TJP3: variants seen among roughly 807,000 people sequenced by gnomAD.
The protein encoded by TJP3 is tight junction protein ZO-3.
Under a neutral mutation model 104.2 loss-of-function variants are expected in TJP3, and 85 were observed. The observed-to-expected ratio is 0.82, with a 90% CI of 0.68 to 0.98. The LOEUF is 0.98. Ranked by LOEUF, TJP3 falls within the 50% of genes least tolerant of loss-of-function variation. The pLI is 0.00. For synonymous variants in TJP3, 550 were observed against 550.6 expected, an observed-to-expected ratio of 1.00 and a Z score of 0.02; for missense variants, 1,367 against 1,322.8, an observed-to-expected ratio of 1.03 and a Z score of -0.52.
chr19:3,742,933 C>T (rs901222836), intron 14 of TJP3, among the ~76,000 whole-genome samples: 6 of 143,762 alleles, frequency 4.2e-5, no homozygotes, highest in South Asian at 4.5e-4. Context: ...GCCACTGCAC[C>T]GCCAGCCTCG....
At chr19:3,731,189 C>A (rs2036666553) in intron 5 of TJP3, among the ~76,000 whole-genome samples, 1 of 152,218 alleles carries the variant, frequency 6.6e-6, no homozygotes, top group Admixed American at 6.5e-5. Flanking sequence ...ACCATTTTAT[C>A]AACATGTCCC....
At chr19:3,728,256 CA>C (rs1167217476) in intron 1 of TJP3, 167 bp from the exon 2 acceptor site, 5 of 1,134,104 alleles carry the variant, frequency 4.4e-6, no homozygotes, top group African/African-American at 3.1e-5. Flanking sequence ...TGAAACAAAA[CA>C]AAAAAACAAA....
At chr19:3,734,135 C>T in intron 7 of TJP3, 192 bp from the exon 8 acceptor site, 1 of 826,954 alleles carries the variant, frequency 1.2e-6, no homozygotes, top group Non-Finnish European at 1.9e-6. Flanking sequence ...GATTCTCGTG[C>T]CTTGGCCTCC....
chr19:3,749,074 G>A (rs2036951348), intron 19 of TJP3, among the ~76,000 whole-genome samples: 2 of 148,322 alleles, frequency 1.3e-5, no homozygotes, highest in East Asian at 2.0e-4. Flanking sequence ...GTTTCACCAC[G>A]CTGGCCAGGC....
chr19:3,743,196 G>A (rs373152027), intron 14 of TJP3, among the ~76,000 whole-genome samples: 5 of 152,100 alleles, frequency 3.3e-5, no homozygotes, highest in African/African-American at 1.2e-4. Flanking sequence ...CCTGGAAGGT[G>A]AAGGTTGCAG....
rs142719896 is a variant in TJP3 at position 3,726,237 on chromosome 19, G to T, written c.-9-2187G>T. 4.8e-3 allele frequency among the ~76,000 whole-genome samples: 738 copies of T among 152,352 alleles called. 10 individuals carry two copies. Among genetic ancestry groups the T allele is most frequent in the Admixed American group, 0.028 (429 of 15,296 alleles). On this transcript the variant is annotated intron_variant, in intron 1 of 20. Coordinates refer to ENST00000541714, the MANE Select transcript of TJP3 (RefSeq NM_001267560.2). ...GTGCGTGCTGGCAGGAGGGAAGGGAGGGTGGAGGCGTGGCCAGGTGACCTT... is the reference window on the plus strand; with the variant it reads ...GTGCGTGCTGGCAGGAGGGAAGGGATGGTGGAGGCGTGGCCAGGTGACCTT...
rs549831017 is a variant in TJP3, at chr19:3,745,133, C to CTTT, written c.1940-850_1940-848dup. On this transcript the variant is annotated intron_variant, in intron 15 of 20. Transcript: ENST00000541714. ...TTAAAAAAAGATGCAAATTTTATGT[C>CTTT]TTTTTTTTTTTTTTTTTTTTTTTTT... Among the ~76,000 whole-genome samples the CTTT allele has an allele frequency of 4.4e-4, 31 of 70,046 alleles. 6 individuals are homozygous for CTTT. The highest frequency in any genetic ancestry group is 6.9e-4 in the African/African-American group (11 of 15,858). 46.0% of individuals were successfully genotyped at this position (70,046 alleles called of 152,430 possible).
chr19:3,746,570 T>C lies in TJP3; in HGVS notation c.2096T>C (p.Ile699Thr), dbSNP rs1205779421. The part of the protein sequence containing the change: ...VQYYPIVVFF[I>T]PESRPALKAL... ...TACTACCCCATTGTGGTCTTCTTCATCCCCGAGAGCCGGCCGGCCCTCAAG... is the reference window on the plus strand; with the variant it reads ...TACTACCCCATTGTGGTCTTCTTCACCCCCGAGAGCCGGCCGGCCCTCAAG... The change falls in exon 17 of 21, where the codon ATC (isoleucine) becomes ACC (threonine). Residue 699 changes from isoleucine (I) to threonine (T), a missense_variant. Physicochemically the swap from Ile to Thr is moderately conservative, Grantham distance 89 (BLOSUM62 -1). Transcript: ENST00000541714. This position sits in a 1 kb window ranked among gnomAD's most constrained non-coding sequence, Gnocchi z 4.1. 5.0e-6 allele frequency: 8 copies of C among 1,613,832 alleles called. No individual in the cohort carries two copies. In the South Asian group the frequency reaches 8.8e-5, roughly 18 times the overall value.
At chr19:3,733,128 C>T (rs2036694044) in intron 6 of TJP3, among the ~76,000 whole-genome samples, 2 of 152,132 alleles carry the variant, frequency 1.3e-5, no homozygotes, top group African/African-American at 4.8e-5. Flanking sequence ...CTCCACCTCC[C>T]GGGTTCAAGT....
intron 19 of TJP3, chr19:3,749,493 C>G (rs944323894): frequency 6.6e-6 from 1 of 152,148 alleles, no homozygotes; most frequent in African/African-American, 2.4e-5. Flanking sequence ...GCGCGCACCA[C>G]CACCCACACC....
chr19:3,718,775 A>T (rs960099086), intron 1 of TJP3, among the ~76,000 whole-genome samples: 2 of 151,886 alleles, frequency 1.3e-5, no homozygotes, highest in South Asian at 4.1e-4. Flanking sequence ...ATTTTGCCAG[A>T]CCTAAGCAGA....
rs373571918 is a variant in TJP3, at chr19:3,728,650, G to A, written c.95G>A (p.Arg32Gln). Residue 32 changes from arginine (R) to glutamine (Q), a missense_variant, in exon 3 of 21, where the codon CGG becomes CAG. Arg to Gln is a conservative substitution (Grantham distance 43, BLOSUM62 1). Coordinates refer to ENST00000541714, the MANE Select transcript of TJP3 (RefSeq NM_001267560.2). The stretch of plus-strand genomic sequence containing the variant: ...ATTGCGATCTCTGGAGGCCGAGACC[G>A]GCCCGGTGGATCCATGGTTGTATCT... Reference protein sequence around the residue: ...FGIAISGGRDRPGGSMVVSDV... With the variant: ...FGIAISGGRDQPGGSMVVSDV... The A allele has an allele frequency of 1.2e-4, 186 of 1,613,626 alleles. No homozygotes were observed. Among genetic ancestry groups the A allele is most frequent in the Non-Finnish European group, 1.4e-4 (167 of 1,179,984 alleles).
At chr19:3,719,204 G>A (rs1047064396) in intron 1 of TJP3, among the ~76,000 whole-genome samples, 1 of 151,790 alleles carries the variant, frequency 6.6e-6, no homozygotes, top group Non-Finnish European at 1.5e-5. Flanking sequence ...GACATCGCTG[G>A]ACCTTAATCA....
chr19:3,740,217 C>T (rs539553855), intron 13 of TJP3, among the ~76,000 whole-genome samples: 2 of 151,358 alleles, frequency 1.3e-5, no homozygotes, highest in African/African-American at 4.9e-5. Context: ...GGCGACGGAG[C>T]GAGACTCTAT....
intron 8 of TJP3, among the ~76,000 whole-genome samples, chr19:3,735,156 A>G (rs951874180): frequency 6.6e-6 from 1 of 151,842 alleles, no homozygotes; most frequent in African/African-American, 2.4e-5. Context: ...GTGAGCCACC[A>G]CGCCCAGCCC....
In TJP3 at chr19:3,747,934, C is replaced by T; in HGVS notation, c.2463C>T (p.Gly821=). ...GEGGAYTDGE[G]YTDGEGGPYT... ...GCGGCGCGTACACGGATGGCGAGGG[C>T]TACACAGACGGCGAGGGGGGGCCCT... The change falls in exon 19 of 21, where the codon GGC becomes GGT. Residue 821 remains glycine (G), a synonymous_variant. Transcript: ENST00000541714. 2 of 1,613,200 alleles carry T rather than the reference C, an allele frequency of 1.2e-6. No individual in the cohort carries two copies. Among genetic ancestry groups the T allele is most frequent in the Non-Finnish European group, 1.7e-6 (2 of 1,179,906 alleles).
intron 1 of TJP3, among the ~76,000 whole-genome samples, chr19:3,718,210 AAAGTGTGTGTGTGTGTGT>A (rs1335790761): frequency 2.2e-5 from 2 of 89,796 alleles, no homozygotes; most frequent in African/African-American, 9.1e-5. Context: ...AAAAAAAAAA[AAAGTGTGTGTGTGTGTGT>A]GTGTGTGTGT....
rs138437675 is a variant in TJP3 at position 3,714,020 on chromosome 19, C to T, written c.-10+5459C>T. Among the ~76,000 whole-genome samples, 569 of 150,624 alleles carry T rather than the reference C, an allele frequency of 3.8e-3. 3 individuals carry two copies. Among genetic ancestry groups the T allele is most frequent in the African/African-American group, 0.013 (535 of 40,994 alleles). ...GATTACAGGGGTGAACCACCACGCC[C>T]GGCCTATTATTATTACTATTATTTA... On this transcript the variant is annotated intron_variant, in intron 1 of 20. Transcript: ENST00000541714.
intron 8 of TJP3, among the ~76,000 whole-genome samples, chr19:3,735,124 C>T (rs1449528092): frequency 6.6e-6 from 1 of 152,086 alleles, no homozygotes; most frequent in African/African-American, 2.4e-5. Flanking sequence ...CCTCAGCCTC[C>T]CAAAGTGCTG....
Sources: gnomAD v4.1 joint callset for allele counts (sites outside exome capture counted in the v4.1 genomes callset) on GRCh38, gnomAD v4.1.1 for gene constraint, Gnocchi (gnomAD v3.1) non-coding constraint, MANE v1.5 for transcripts, NCBI Gene and HGNC (gene_info 2026-07-23, HGNC 2026-07-21) for gene names.